TTLL6: variants seen among roughly 807,000 people sequenced by gnomAD.
TTLL6 encodes the protein tubulin polyglutamylase TTLL6.
In TTLL6, 75 loss-of-function variants were observed where a neutral mutation model predicts 96.4. The observed-to-expected ratio is 0.78, with a 90% CI of 0.65 to 0.94. The LOEUF (loss-of-function observed/expected upper bound fraction) is 0.94, where lower values mean the gene tolerates loss of function less well. TTLL6 is among the 40% of genes least tolerant of loss of function. TTLL6 has a pLI of 0.00. For synonymous variants in TTLL6, 411 were observed against 419.4 expected (o/e 0.98, Z 0.24); for missense variants, 1,030 against 1,093.0 (o/e 0.94, Z 0.81).
chr17:48,809,180 C>T (rs1301666973), intron 1 of TTLL6, among the ~76,000 whole-genome samples: 1 of 152,180 alleles, frequency 6.6e-6, no homozygotes, highest in Non-Finnish European at 1.5e-5. Flanking sequence ...CACTTATAGG[C>T]AAGACCCTTT....
At chr17:48,803,483 C>CAAA (rs201221997) in intron 3 of TTLL6, among the ~76,000 whole-genome samples, 1 of 55,158 alleles carries the variant, frequency 1.8e-5, no homozygotes, top group African/African-American at 6.5e-5. Context: ...GATTCCGTGT[C>CAAA]AAAAAAAAAA....
Position 48,801,107 on chromosome 17 carries a change from C to T in TTLL6, c.611+148G>A, listed in dbSNP as rs897267172. 4 of 714,860 alleles carry T rather than the reference C, an allele frequency of 5.6e-6. No homozygotes were observed. In the African/African-American group the frequency reaches 7.1e-5, roughly 13 times the overall value. 44.3% of individuals were successfully genotyped at this position (714,860 alleles called of 1,614,324 possible). ...CCTTGTGTTTTCTCAACCTTGGACA[C>T]ACCCTTTATCCCTTCTCTTCCTGAA... On this transcript the variant is annotated intron_variant, in intron 5 of 15. Transcript: ENST00000393382.
chr17:48,767,009 C>T (rs2038627935), intron 15 of TTLL6, among the ~76,000 whole-genome samples: 4 of 152,084 alleles, frequency 2.6e-5, no homozygotes. Context: ...AGCGCAGTGG[C>T]GTGATCTCGG....
chr17:48,788,397 A>C (rs2143346551), intron 10 of TTLL6, among the ~76,000 whole-genome samples: 1 of 152,260 alleles, frequency 6.6e-6, no homozygotes, highest in Middle Eastern at 3.4e-3. Context: ...GATGACCTTG[A>C]TGACCGTTTA....
chr17:48,815,081 T>G (rs1241371152), intron 1 of TTLL6, among the ~76,000 whole-genome samples: 2 of 152,142 alleles, frequency 1.3e-5, no homozygotes, highest in Non-Finnish European at 2.9e-5. Context: ...CCCAGCAGTT[T>G]AGTGATTTCT....
chr17:48,764,778 A>G (rs77526981), intron 15 of TTLL6, among the ~76,000 whole-genome samples: 1 of 152,064 alleles, frequency 6.6e-6, no homozygotes, highest in Non-Finnish European at 1.5e-5. Context: ...TGGTCCGATT[A>G]GTTTGGAGAG....
At chr17:48,804,728 T>G in intron 2 of TTLL6, 44 bp downstream of exon 2, 1 of 1,519,196 alleles carries the variant, frequency 6.6e-7, no homozygotes, top group Non-Finnish European at 8.9e-7. Flanking sequence ...GTCCTTCCTG[T>G]TATTACCAAC....
intron 15 of TTLL6, among the ~76,000 whole-genome samples, chr17:48,765,294 C>T (rs1330290836): frequency 6.6e-6 from 1 of 152,062 alleles, no homozygotes; most frequent in African/African-American, 2.4e-5. Context: ...CACCTGTAGT[C>T]CTAGCTACAT....
chr17:48,790,787 C>G (rs977326542), intron 9 of TTLL6, among the ~76,000 whole-genome samples: 2 of 152,204 alleles, frequency 1.3e-5, no homozygotes, highest in Non-Finnish European at 1.5e-5. Flanking sequence ...GCACCTGGCA[C>G]TAGCACCCTT....
chr17:48,768,669 T>C (rs780699900), intron 15 of TTLL6, among the ~76,000 whole-genome samples: 1 of 152,042 alleles, frequency 6.6e-6, no homozygotes, highest in Non-Finnish European at 1.5e-5. Flanking sequence ...GCCTCTCAAG[T>C]AGCTGGGACC....
At chr17:48,807,121 CTTG>C (rs201650322) in intron 1 of TTLL6, among the ~76,000 whole-genome samples, 14,497 of 151,828 alleles carry the variant, frequency 0.095, 865 homozygotes, top group Non-Finnish European at 0.13. Flanking sequence ...GAGTTTCACT[CTTG>C]TTGTCCAGGA....
At chr17:48,792,700 G>T (rs553759843) in intron 8 of TTLL6, among the ~76,000 whole-genome samples, 37 of 152,276 alleles carry the variant, frequency 2.4e-4, no homozygotes, top group Admixed American at 2.0e-3. Flanking sequence ...AAACAACCAA[G>T]GATGCATTTA....
intron 6 of TTLL6, among the ~76,000 whole-genome samples, chr17:48,798,817 C>CT (rs546272759): frequency 0.041 from 4,737 of 116,924 alleles, 167 homozygotes; most frequent in African/African-American, 0.057. Flanking sequence ...TGTTGCAGTT[C>CT]TTTTTTTTTT....
chr17:48,791,464 G>A lies in TTLL6; in HGVS notation c.1138C>T (p.Pro380Ser). 1.9e-6 allele frequency: 3 copies of A among 1,614,226 alleles called. No individual in the cohort carries two copies. Among genetic ancestry groups the A allele is most frequent in the Non-Finnish European group, 2.5e-6 (3 of 1,180,048 alleles). The change falls in exon 9 of 16, where the codon CCC becomes TCC. Residue 380 changes from proline to serine, a missense_variant. Pro to Ser is a moderately conservative substitution (Grantham distance 74). Coordinates refer to ENST00000393382, the MANE Select transcript of TTLL6 (RefSeq NM_001130918.3). Reference protein sequence around the residue: ...IIRHNYHTCFPNHTLNSACFE... With the variant: ...IIRHNYHTCFSNHTLNSACFE... ...CAGGCGCTGTTGAGTGTGTGGTTGG[G>A]GAAGCAGGTGTGGTAGTTATGCCTG...
At chr17:48,811,803 T>G (rs1256834734) in intron 1 of TTLL6, among the ~76,000 whole-genome samples, 2 of 151,582 alleles carry the variant, frequency 1.3e-5, no homozygotes, top group East Asian at 3.9e-4. Context: ...GTTCCAGCTA[T>G]TCTTCTGCCT....
chr17:48,790,667 A>G (rs577708779), intron 9 of TTLL6, among the ~76,000 whole-genome samples: 2 of 152,236 alleles, frequency 1.3e-5, no homozygotes, highest in Admixed American at 6.5e-5. Flanking sequence ...AAACAGGCAC[A>G]TCCCTCTTCC....
chr17:48,785,185 G>A lies in TTLL6; in HGVS notation c.1778C>T (p.Thr593Ile), dbSNP rs1287352578. 14 of 1,614,124 alleles carry A rather than the reference G, an allele frequency of 8.7e-6. No homozygotes were observed. Among genetic ancestry groups the A allele is most frequent in the South Asian group, 2.2e-5 (2 of 91,084 alleles). The stretch of plus-strand genomic sequence containing the variant: ...CAAGTCAGGTGTGTAGGATACTAAT[G>A]TCAATGGCTGGATGTACTGAGGGAG... ...QASKQYIQPL[T>I]LVSYTPDLLL... Residue 593 changes from threonine to isoleucine, a missense_variant, in exon 13 of 16, where the codon ACA becomes ATA. Transcript: ENST00000393382.
At chr17:48,770,860 G>A (rs751834978) in intron 13 of TTLL6, among the ~76,000 whole-genome samples, 23 of 150,782 alleles carry the variant, frequency 1.5e-4, no homozygotes, top group Admixed American at 6.6e-4. Flanking sequence ...AGAGGTTGCA[G>A]TGAGCCGAGA....
At chr17:48,775,580 T>G (rs2038854111) in intron 13 of TTLL6, among the ~76,000 whole-genome samples, 1 of 151,492 alleles carries the variant, frequency 6.6e-6, no homozygotes, top group African/African-American at 2.4e-5. Flanking sequence ...TTGCTCTTGT[T>G]GCCCAGGCTG....
Sources: allele counts gnomAD v4.1 joint callset (sites outside exome capture counted in the v4.1 genomes callset), GRCh38; gene constraint gnomAD v4.1.1; transcripts MANE v1.5; gene names NCBI Gene and HGNC (gene_info 2026-07-23, HGNC 2026-07-21).